TRANK1: variants seen among roughly 807,000 people sequenced by gnomAD.
TRANK1 encodes TPR and ankyrin repeat-containing protein 1.
Under a neutral mutation model 266.0 loss-of-function variants are expected in TRANK1, and 198 were observed. That is an observed-to-expected ratio of 0.74 (90% CI 0.66 to 0.84). The LOEUF is 0.84. TRANK1 is among the 40% of genes least tolerant of loss of function. TRANK1 has a pLI of 0.00. For missense variants in TRANK1, 3,326 were observed against 3,634.6 expected, an observed-to-expected ratio of 0.92 and a Z score of 2.18; for synonymous variants, 1,396 against 1,384.1, an observed-to-expected ratio of 1.01 and a Z score of -0.19.
intron 1 of TRANK1, among the ~76,000 whole-genome samples, chr3:36,937,716 C>T (rs976104387): frequency 2.0e-5 from 3 of 152,228 alleles, no homozygotes; most frequent in Middle Eastern, 3.2e-3. Context: ...ACTTAGGTAT[C>T]TGTGCTAGGC....
chr3:36,939,968 G>A (rs2080473848), intron 1 of TRANK1, among the ~76,000 whole-genome samples: 1 of 151,614 alleles, frequency 6.6e-6, no homozygotes, highest in South Asian at 2.1e-4. Flanking sequence ...TTGGCTCACT[G>A]CAACCTCCAC....
rs763451660 is a variant in TRANK1, at chr3:36,833,012, C to A, written c.6571G>T (p.Val2191Phe). ...AAGCCTACAATAAACCTCATGCAGACTCCTCGGTAGGTCTTCCCAAGCAGG... is the reference window on the plus strand; with the variant it reads ...AAGCCTACAATAAACCTCATGCAGAATCCTCGGTAGGTCTTCCCAAGCAGG... The part of the protein sequence containing the change: ...RSLLGKTYRG[V>F]CMRFIVGLKC... The change falls in exon 22 of 24, where the codon GTC becomes TTC. Residue 2191 changes from valine (V) to phenylalanine (F), a missense_variant. Val to Phe is a conservative substitution (Grantham distance 50). Transcript: ENST00000645898. 14 of 1,612,234 alleles carry A rather than the reference C, an allele frequency of 8.7e-6. No individual in the cohort carries two copies. In the Admixed American group the frequency reaches 2.3e-4, roughly 27 times the overall value.
chr3:36,894,643 G>T (rs1205893293), intron 5 of TRANK1, among the ~76,000 whole-genome samples: 2 of 152,160 alleles, frequency 1.3e-5, no homozygotes, highest in Non-Finnish European at 2.9e-5. Context: ...ACACATAATT[G>T]TCAGTGCATG....
intron 20 of TRANK1, among the ~76,000 whole-genome samples, chr3:36,836,079 G>T (rs944070330): frequency 1.3e-5 from 2 of 152,160 alleles, no homozygotes; most frequent in African/African-American, 4.8e-5. Context: ...ACATCCACCA[G>T]GTTTGAAAAA....
intron 10 of TRANK1, 42 bp from the exon 11 acceptor site, chr3:36,861,202 A>G (rs2125552768): frequency 6.6e-7 from 1 of 1,519,314 alleles, no homozygotes; most frequent in East Asian, 2.5e-5. Context: ...AAATGTTCAT[A>G]TGATTTCTCT....
chr3:36,857,079 G>A lies in TRANK1; in HGVS notation c.2643C>T (p.His881=). 3 of 1,614,030 alleles carry A rather than the reference G, an allele frequency of 1.9e-6. No individual in the cohort carries two copies. The highest frequency in any genetic ancestry group is 3.3e-4 in the Middle Eastern group (2 of 6,062). ...CGAAGAGCTGGATGCTTCCTTTCAGGTGCTTCAGTCGCTTCTGCAGGCCCT... is the reference window on the plus strand; with the variant it reads ...CGAAGAGCTGGATGCTTCCTTTCAGATGCTTCAGTCGCTTCTGCAGGCCCT... ...WTQGLQKRLK[H]LKGSIQLFEA... is the part of the protein sequence containing the mutation. The change falls in exon 13 of 24, where the codon CAC becomes CAT. Residue 881 remains histidine (H), a synonymous_variant. Coordinates refer to ENST00000645898, the MANE Select transcript of TRANK1 (RefSeq NM_001329998.2). This position sits in a 1 kb window ranked among gnomAD's most constrained non-coding sequence, Gnocchi z 4.3.
chr3:36,851,981 C>A (rs2078990633), intron 14 of TRANK1, 125 bp from the exon 15 acceptor site: 1 of 1,414,606 alleles, frequency 7.1e-7, no homozygotes, highest in Admixed American at 2.8e-5. Context: ...TCAGGCAGGC[C>A]AGGGGAAAGA....
intron 1 of TRANK1, among the ~76,000 whole-genome samples, chr3:36,936,071 A>G (rs1356243342): frequency 2.0e-5 from 3 of 152,334 alleles, no homozygotes; most frequent in East Asian, 1.9e-4. Flanking sequence ...ACAAGGTAAC[A>G]TATCCCCGTG....
At chr3:36,842,118 C>T (rs1325706105) in intron 18 of TRANK1, among the ~76,000 whole-genome samples, 1 of 152,168 alleles carries the variant, frequency 6.6e-6, no homozygotes, top group Non-Finnish European at 1.5e-5. Context: ...TGGAAGAAAA[C>T]TGCTCAGGAC....
chr3:36,859,795 T>G (rs1189024668), intron 11 of TRANK1, among the ~76,000 whole-genome samples: 1 of 152,130 alleles, frequency 6.6e-6, no homozygotes, highest in Non-Finnish European at 1.5e-5. Flanking sequence ...AGGAATTCCA[T>G]GACAGCTGTG....
Position 36,874,234 on chromosome 3 carries a change from G to A in TRANK1, c.970C>T (p.Gln324Ter), listed in dbSNP as rs1029954445. ...FGADPTLLDR[Q>*]SRSVVDVLKR... The stretch of plus-strand genomic sequence containing the variant: ...AGGACATCCACAACAGACCGAGACT[G>A]TCGATCCAGCAAAGTGGGATCTGCC... Residue 324 changes from glutamine (Q) to a stop codon, truncating the protein, a stop_gained, in exon 9 of 24, where the codon CAG becomes TAG. Transcript: ENST00000645898. LOFTEE classifies it high-confidence loss of function. The A allele has an allele frequency of 3.9e-6, 6 of 1,537,166 alleles. No homozygotes were observed. Among genetic ancestry groups the A allele is most frequent in the Non-Finnish European group, 5.2e-6 (6 of 1,146,874 alleles).
At chr3:36,878,258 G>A (rs778613720) in intron 8 of TRANK1, among the ~76,000 whole-genome samples, 4 of 152,168 alleles carry the variant, frequency 2.6e-5, no homozygotes, top group African/African-American at 4.8e-5. Context: ...AATCTCAGGT[G>A]GAACAGTTTC....
chr3:36,835,091 G>A (rs1482353584), intron 20 of TRANK1, among the ~76,000 whole-genome samples, 184 bp from the exon 21 acceptor site: 3 of 151,712 alleles, frequency 2.0e-5, no homozygotes, highest in Admixed American at 6.6e-5. Flanking sequence ...AGGCCGAGGC[G>A]GGCGGATCAC....
rs756615128 is a variant in TRANK1, at chr3:36,831,159, C to T, written c.8424G>A (p.Glu2808=). The change falls in exon 22 of 24, where the codon GAG becomes GAA. Residue 2808 remains glutamate, a synonymous_variant. Transcript: ENST00000645898. The surrounding 1 kb of genome is among the most constrained non-coding windows in gnomAD (Gnocchi z 5.0). ...ACTCGCTGTTCCTCTCCTGACACTC[C>T]TCCCTTTCCAGCTCAGCCCTGGAAA... ...AVLSRAELER[E]ECQERNSESY... is the part of the protein sequence containing the mutation. 2.5e-6 allele frequency: 4 copies of T among 1,614,000 alleles called. 1 individual carries two copies. Among genetic ancestry groups the T allele is most frequent in the Non-Finnish European group, 3.4e-6 (4 of 1,179,896 alleles).
At position 36,833,124 on chromosome 3, in the gene TRANK1, T is replaced by C. The variant is rs747747839; in HGVS notation, c.6459A>G (p.Thr2153=). 1 of 1,612,674 alleles carries C rather than the reference T, an allele frequency of 6.2e-7. No homozygotes were observed. ...DLDLNLREKK[T]KDHFLIMTDQ... ...CAGTCATTATCAAAAAATGATCTTTTGTTTTTTTCTCTCTCAAGTTCAAAT... is the reference window on the plus strand; with the variant it reads ...CAGTCATTATCAAAAAATGATCTTTCGTTTTTTTCTCTCTCAAGTTCAAAT... The change falls in exon 22 of 24, where the codon ACA becomes ACG. Residue 2153 remains threonine, a synonymous_variant. Transcript: ENST00000645898.
At chr3:36,909,474 A>C (rs1029905979) in intron 1 of TRANK1, among the ~76,000 whole-genome samples, 1 of 152,172 alleles carries the variant, frequency 6.6e-6, no homozygotes, top group Non-Finnish European at 1.5e-5. Flanking sequence ...GTCAGAGAAG[A>C]GGTCCTTTAG....
In TRANK1 at chr3:36,833,000, A is replaced by C. The variant is rs768396905; in HGVS notation, c.6583T>G (p.Phe2195Val). The change falls in exon 22 of 24, where the codon TTT becomes GTT. Residue 2195 changes from phenylalanine to valine, a missense_variant. Physicochemically the swap from Phe to Val is conservative, Grantham distance 50. Transcript: ENST00000645898. ...GKTYRGVCMR[F>V]IVGLKCEDEN... ...TCCTCACATTTTAAGCCTACAATAA[A>C]CCTCATGCAGACTCCTCGGTAGGTC... 2.0e-5 allele frequency: 33 copies of C among 1,611,880 alleles called. No homozygotes were observed. Among genetic ancestry groups the C allele is most frequent in the African/African-American group, 2.7e-5 (2 of 74,842 alleles).
intron 17 of TRANK1, among the ~76,000 whole-genome samples, chr3:36,843,454 G>T (rs1455102041): frequency 1.3e-5 from 2 of 152,086 alleles, no homozygotes; most frequent in African/African-American, 4.8e-5. Flanking sequence ...TGCAAACTTT[G>T]CCCTCATCAC....
At chr3:36,883,272 C>T (rs2079555687) in intron 8 of TRANK1, among the ~76,000 whole-genome samples, 1 of 151,918 alleles carries the variant, frequency 6.6e-6, no homozygotes, top group Non-Finnish European at 1.5e-5. Context: ...AAAACTCTGT[C>T]TCTACCAACA....
Sources: gnomAD v4.1 joint callset for allele counts (sites outside exome capture counted in the v4.1 genomes callset) on GRCh38, gnomAD v4.1.1 for gene constraint, Gnocchi (gnomAD v3.1) non-coding constraint, MANE v1.5 for transcripts, NCBI Gene and HGNC (gene_info 2026-07-23, HGNC 2026-07-21) for gene names.